DAXX: variants seen among roughly 807,000 people sequenced by gnomAD.
DAXX encodes the protein death domain associated protein.
A neutral mutation model predicts 61.9 loss-of-function variants in DAXX; 24 were observed. The ratio of observed to expected loss-of-function variants is 0.39; its 90% CI spans 0.28 to 0.55. The LOEUF is 0.55. Ranked by LOEUF, DAXX falls within the 20% of genes least tolerant of loss-of-function variation. The probability of loss-of-function intolerance (pLI) is 0.69; values close to 1 mark genes in which losing one functional copy is unlikely to be tolerated. For missense variants in DAXX, 819 were observed against 935.3 expected (o/e 0.88, Z 1.62); for synonymous variants, 357 against 369.5 (o/e 0.97, Z 0.39).
Position 33,320,823 on chromosome 6 carries a change from G to A in DAXX, c.952C>T (p.Arg318Ter), listed in dbSNP as rs779014832. The change falls in exon 3 of 8, where the codon CGA (arginine) becomes TGA (stop). Residue 318 changes from arginine to a stop codon, truncating the protein, a stop_gained. Coordinates refer to ENST00000374542, the MANE Select transcript of DAXX (RefSeq NM_001141969.2). LOFTEE classifies it high-confidence loss of function. This position sits in a 1 kb window ranked among gnomAD's most constrained non-coding sequence, Gnocchi z 7.1. ...QLQLMAQDAFRDVGIRLQERR... is the reference protein window; with the variant it reads ...QLQLMAQDAF ...TCCTGTAACCTGATGCCCACATCTC[G>A]GAAGGCATCCTGAGCCATGAGCTGG... The A allele has an allele frequency of 3.1e-6, 5 of 1,614,142 alleles. No homozygotes were observed. Among genetic ancestry groups the A allele is most frequent in the Admixed American group, 1.7e-5 (1 of 60,010 alleles).
At chr6:33,322,787 C>A in intron 1 of DAXX, 75 bp downstream of exon 1, 1 of 702,506 alleles carries the variant, frequency 1.4e-6, no homozygotes, top group Non-Finnish European at 2.4e-6. Flanking sequence ...TCAGACTCAG[C>A]GCCCAGCTCT....
chr6:33,318,961 C>A (rs1770166286), intron 7 of DAXX, 36 bp downstream of exon 7: 2 of 1,568,254 alleles, frequency 1.3e-6, no homozygotes, highest in Admixed American at 1.7e-5. Context: ...TGAAAGAGAA[C>A]AAATTGTCAG....
At position 33,321,323 on chromosome 6, in the gene DAXX, G is replaced by A. The variant is rs146295522; in HGVS notation, c.452C>T (p.Thr151Ile). ...GTTATTCCCAGAGGGCTCATTGGAGGTGGTGGCGGCAGGGGCCAAGTTCAG... is the reference window on the plus strand; with the variant it reads ...GTTATTCCCAGAGGGCTCATTGGAGATGGTGGCGGCAGGGGCCAAGTTCAG... ...KKLNLAPAAT[T>I]SNEPSGNNPP... Residue 151 changes from threonine to isoleucine, a missense_variant, in exon 3 of 8, where the codon ACC becomes ATC. Physicochemically the swap from Thr to Ile is moderately conservative, Grantham distance 89. Coordinates refer to ENST00000374542, the MANE Select transcript of DAXX (RefSeq NM_001141969.2). This position sits in a 1 kb window ranked among gnomAD's most constrained non-coding sequence, Gnocchi z 7.2. 1 of 1,611,366 alleles carries A rather than the reference G, an allele frequency of 6.2e-7. No homozygotes were observed.
In DAXX at chr6:33,319,613, T is replaced by C. The variant is rs1581780358; in HGVS notation, c.1707A>G (p.Leu569=). Residue 569 remains leucine (L), a synonymous_variant, in exon 6 of 8, where the codon CTA becomes CTG. Coordinates refer to ENST00000374542, the MANE Select transcript of DAXX (RefSeq NM_001141969.2). Reference sequence around the variant, plus strand: ...TATCCAGGGGCAAAGCTTCAATCTCTAGCTCAAAGAGCTGAGACACAGGGC... The same window carrying C: ...TATCCAGGGGCAAAGCTTCAATCTCCAGCTCAAAGAGCTGAGACACAGGGC... ...EESPVSQLFE[L]EIEALPLDTP... The C allele has an allele frequency of 3.7e-6, 6 of 1,607,020 alleles. No homozygotes were observed. The highest frequency in any genetic ancestry group is 2.2e-5 in the East Asian group (1 of 44,842).
rs1390384993 is a variant in DAXX, at chr6:33,320,605, CAT to C, written c.1040-16_1040-15del. 2 of 1,611,962 alleles carry C rather than the reference CAT, an allele frequency of 1.2e-6. No individual in the cohort carries two copies. Among genetic ancestry groups the C allele is most frequent in the Non-Finnish European group, 8.5e-7 (1 of 1,178,978 alleles). ...CAGGGTCAACGCCTACGTGGGAAGA[CAT>C]AAAGTCAGAGCACTCAGCCCTTGAA... is the stretch of plus-strand genomic sequence containing the variant. On this transcript the variant is annotated splice_polypyrimidine_tract_variant and intron_variant, in intron 3 of 7. Transcript: ENST00000374542. The surrounding 1 kb of genome is among the most constrained non-coding windows in gnomAD (Gnocchi z 7.1).
Position 33,321,097 on chromosome 6 carries a change from T to G in DAXX, c.678A>C (p.Ala226=), listed in dbSNP as rs760672208. 4 of 1,612,350 alleles carry G rather than the reference T, an allele frequency of 2.5e-6. No individual in the cohort carries two copies. Among genetic ancestry groups the G allele is most frequent in the Non-Finnish European group, 3.4e-6 (4 of 1,178,350 alleles). The change falls in exon 3 of 8, where the codon GCA becomes GCC. Residue 226 remains alanine, a synonymous_variant. Coordinates refer to ENST00000374542, the MANE Select transcript of DAXX (RefSeq NM_001141969.2). The surrounding 1 kb of genome is among the most constrained non-coding windows in gnomAD (Gnocchi z 7.2). ...GGCGGATCAGCTTACGCTTCAACCG[T>G]GCCTCCTGCAGGTATGCGGAGTCTG... ...DDPDSAYLQE[A]RLKRKLIRLF...
rs1770655533 is a variant in DAXX, at chr6:33,321,791, A to G, written c.135T>C (p.His45=). Residue 45 remains histidine (H), a synonymous_variant, in exon 2 of 8, where the codon CAT becomes CAC. Transcript: ENST00000374542. The surrounding 1 kb of genome is among the most constrained non-coding windows in gnomAD (Gnocchi z 7.2). The stretch of plus-strand genomic sequence containing the variant: ...CCGAACTACTGCTTCCTCTGGCCCC[A>G]TGAGGCTCAGAGGAGCTAGGGGCTT... ...GAEAPSSSEP[H]GARGSSSSGG... 6.2e-7 allele frequency: 1 copy of G among 1,611,420 alleles called. No individual in the cohort carries two copies. The highest frequency in any genetic ancestry group is 8.5e-7 in the Non-Finnish European group (1 of 1,177,984).
In DAXX at chr6:33,320,956, C is replaced by A; in HGVS notation, c.819G>T (p.Arg273=). The A allele has an allele frequency of 6.2e-7, 1 of 1,614,010 alleles. No individual in the cohort carries two copies. The highest frequency in any genetic ancestry group is 8.5e-7 in the Non-Finnish European group (1 of 1,179,874). ...TATCAGGCCCTGGCTTGTTGATGAG[C>A]CGCTCAATGCGCCTGTTAACCTCTG... The part of the protein sequence containing the change: ...RYPEVNRRIE[R]LINKPGPDTF... The change falls in exon 3 of 8, where the codon CGG becomes CGT. Residue 273 remains arginine, a synonymous_variant. Coordinates refer to ENST00000374542, the MANE Select transcript of DAXX (RefSeq NM_001141969.2). This position sits in a 1 kb window ranked among gnomAD's most constrained non-coding sequence, Gnocchi z 7.1.
rs1392007991 is a variant in DAXX at position 33,321,189 on chromosome 6, C to T, written c.586G>A (p.Ala196Thr). Residue 196 changes from alanine (A) to threonine (T), a missense_variant, in exon 3 of 8, where the codon GCG (alanine) becomes ACG (threonine). By Grantham distance (58) the Ala-to-Thr change is moderately conservative. Coordinates refer to ENST00000374542, the MANE Select transcript of DAXX (RefSeq NM_001141969.2). This position sits in a 1 kb window ranked among gnomAD's most constrained non-coding sequence, Gnocchi z 7.2. ...CGCCGGATCTCTGCCACATAGAGCGCCAGCAGCTGCTCCAAACGCTGGATC... is the reference window on the plus strand; with the variant it reads ...CGCCGGATCTCTGCCACATAGAGCGTCAGCAGCTGCTCCAAACGCTGGATC... The part of the protein sequence containing the change: ...RQIQRLEQLL[A>T]LYVAEIRRLQ... The T allele has an allele frequency of 1.2e-6, 2 of 1,613,266 alleles. No homozygotes were observed. The highest frequency in any genetic ancestry group is 1.3e-5 in the African/African-American group (1 of 75,024).
In DAXX at chr6:33,322,894, G is replaced by C. The variant is rs374303986; in HGVS notation, c.-85C>G. 7.1e-7 allele frequency: 1 copy of C among 1,413,326 alleles called. No individual in the cohort carries two copies. The highest frequency in any genetic ancestry group is 9.5e-7 in the Non-Finnish European group (1 of 1,050,226). 87.5% of individuals were successfully genotyped at this position (1,413,326 alleles called of 1,614,324 possible). A position where few individuals can be genotyped will look rare whatever the true frequency, so the allele number is the denominator to read the frequency against. ...ACCGTCTCTCGAGGCGACCCTCGCC[G>C]CAATTCTCAGAACCTCGCATGGTTC... On this transcript the variant is annotated 5_prime_UTR_variant, in exon 1 of 8. Coordinates refer to ENST00000374542, the MANE Select transcript of DAXX (RefSeq NM_001141969.2).
At position 33,319,656 on chromosome 6, in the gene DAXX, A is replaced by G; in HGVS notation, c.1664T>C (p.Leu555Pro). ...CACAGGGCTTTCTTCCTCCAGGGTC[A>G]GCTCCTCAGGCTGTTCTCCATTGCT... ...AESNGEQPEE[L>P]TLEEESPVSQ... The change falls in exon 6 of 8, where the codon CTG (leucine) becomes CCG (proline). Residue 555 changes from leucine (L) to proline (P), a missense_variant. Leu to Pro is a moderately conservative substitution (Grantham distance 98). Coordinates refer to ENST00000374542, the MANE Select transcript of DAXX (RefSeq NM_001141969.2). 1.2e-6 allele frequency: 2 copies of G among 1,614,120 alleles called. No individual in the cohort carries two copies. Among genetic ancestry groups the G allele is most frequent in the Non-Finnish European group, 8.5e-7 (1 of 1,180,002 alleles).
Position 33,321,099 on chromosome 6 carries a change from C to T in DAXX, c.676G>A (p.Ala226Thr), listed in dbSNP as rs1770540432. The stretch of plus-strand genomic sequence containing the variant: ...CGGATCAGCTTACGCTTCAACCGTG[C>T]CTCCTGCAGGTATGCGGAGTCTGGG... ...DDPDSAYLQEARLKRKLIRLF... is the reference protein window; with the variant it reads ...DDPDSAYLQETRLKRKLIRLF... The change falls in exon 3 of 8, where the codon GCA (alanine) becomes ACA (threonine). Residue 226 changes from alanine to threonine, a missense_variant. Transcript: ENST00000374542. This position sits in a 1 kb window ranked among gnomAD's most constrained non-coding sequence, Gnocchi z 7.2. 5.0e-6 allele frequency: 8 copies of T among 1,611,754 alleles called. No homozygotes were observed. The highest frequency in any genetic ancestry group is 6.8e-6 in the Non-Finnish European group (8 of 1,177,834).
chr6:33,322,276 C>T (rs1255906624), intron 1 of DAXX, among the ~76,000 whole-genome samples: 6 of 151,464 alleles, frequency 4.0e-5, no homozygotes, highest in Admixed American at 3.3e-4. Context: ...GTTGATTCTT[C>T]CTCCCACACT....
chr6:33,322,830 C>CCCCCCT, intron 1 of DAXX, 32 bp downstream of exon 1: 2 of 1,167,794 alleles, frequency 1.7e-6, no homozygotes, highest in Admixed American at 1.9e-5. Context: ...TCCCCGCCCC[C>CCCCCCT]GCCTCTGATC....
At position 33,320,645 on chromosome 6, in the gene DAXX, G is replaced by A. The variant is rs1229695175; in HGVS notation, c.1040-54C>T. The A allele has an allele frequency of 1.2e-6, 2 of 1,604,650 alleles. No individual in the cohort carries two copies. The highest frequency in any genetic ancestry group is 1.3e-5 in the African/African-American group (1 of 74,528). ...CTCAGCCCTTGAAGGGACTAGAAGA[G>A]TAAAAACCCTAGAAAGGACTAGAGA... On this transcript the variant is annotated intron_variant, in intron 3 of 7. Coordinates refer to ENST00000374542, the MANE Select transcript of DAXX (RefSeq NM_001141969.2). The surrounding 1 kb of genome is among the most constrained non-coding windows in gnomAD (Gnocchi z 7.1).
In DAXX at chr6:33,321,959, G is replaced by T; in HGVS notation, c.-34C>A. On this transcript the variant is annotated 5_prime_UTR_variant, in exon 2 of 8. Transcript: ENST00000374542. The surrounding 1 kb of genome is among the most constrained non-coding windows in gnomAD (Gnocchi z 7.2). ...AAATCCCCCGGAGGGAGGAAGTGGT[G>T]GGGATTTCAGAATTCCTGCTGGAAG... 1.3e-6 allele frequency: 2 copies of T among 1,586,312 alleles called. No homozygotes were observed.
In DAXX at chr6:33,321,028, G is replaced by C. The variant is rs140033328; in HGVS notation, c.747C>G (p.Thr249=). 1 of 1,614,008 alleles carries C rather than the reference G, an allele frequency of 6.2e-7. No homozygotes were observed. The highest frequency in any genetic ancestry group is 1.1e-5 in the South Asian group (1 of 91,084). ...GGATGCGCTGCTCTATGACACGGCCGGTCAGTGAAGAGCAGTCTTTCAGCT... is the reference window on the plus strand; with the variant it reads ...GGATGCGCTGCTCTATGACACGGCCCGTCAGTGAAGAGCAGTCTTTCAGCT... ...LCELKDCSSL[T]GRVIEQRIPY... is the part of the protein sequence containing the mutation. Residue 249 remains threonine, a synonymous_variant, in exon 3 of 8, where the codon ACC becomes ACG. Coordinates refer to ENST00000374542, the MANE Select transcript of DAXX (RefSeq NM_001141969.2). This position sits in a 1 kb window ranked among gnomAD's most constrained non-coding sequence, Gnocchi z 7.2.
Position 33,321,270 on chromosome 6 carries a change from T to C in DAXX, c.505A>G (p.Thr169Ala), listed in dbSNP as rs1770574062. The C allele has an allele frequency of 6.2e-7, 1 of 1,613,378 alleles. No individual in the cohort carries two copies. ...NPPTHLSLDP[T>A]NAENTASQSP... is the part of the protein sequence containing the mutation. ...TGAGAGGCAGTGTTTTCAGCATTTG[T>C]GGGGTCCAAGGAGAGGTGTGTGGGA... Residue 169 changes from threonine (T) to alanine (A), a missense_variant, in exon 3 of 8, where the codon ACA becomes GCA. Thr to Ala is a moderately conservative substitution (Grantham distance 58). Coordinates refer to ENST00000374542, the MANE Select transcript of DAXX (RefSeq NM_001141969.2). The surrounding 1 kb of genome is among the most constrained non-coding windows in gnomAD (Gnocchi z 7.2).
rs750300862 is a variant in DAXX at position 33,320,901 on chromosome 6, C to T, written c.874G>A (p.Ala292Thr). 6 of 1,614,202 alleles carry T rather than the reference C, an allele frequency of 3.7e-6. No homozygotes were observed. The highest frequency in any genetic ancestry group is 1.1e-5 in the South Asian group (1 of 91,088). ...TGTCGGGCAGCTGCCTTCTCTACAG[C>T]CCGAAGCACATCCCCATAGTCAGGG... ...TFPDYGDVLR[A>T]VEKAAARHSL... Residue 292 changes from alanine (A) to threonine (T), a missense_variant, in exon 3 of 8, where the codon GCT becomes ACT. Physicochemically the swap from Ala to Thr is moderately conservative, Grantham distance 58. Transcript: ENST00000374542. This position sits in a 1 kb window ranked among gnomAD's most constrained non-coding sequence, Gnocchi z 7.1.
Sources: gnomAD v4.1 joint callset for allele counts (sites outside exome capture counted in the v4.1 genomes callset) on GRCh38, gnomAD v4.1.1 for gene constraint, Gnocchi (gnomAD v3.1) non-coding constraint, MANE v1.5 for transcripts, NCBI Gene and HGNC (gene_info 2026-07-23, HGNC 2026-07-21) for gene names.